The following AGAP2 variants were observed in gnomAD, a reference collection of about 807,000 sequenced individuals.
AGAP2 encodes ArfGAP with GTPase domain, ankyrin repeat and PH domain 2.
A neutral mutation model predicts 110.9 loss-of-function variants in AGAP2; 32 were observed. The observed-to-expected ratio is 0.29, with a 90% CI of 0.22 to 0.39. The LOEUF is 0.39. Ranked by LOEUF, AGAP2 falls within the 10% of genes least tolerant of loss-of-function variation. The probability of loss-of-function intolerance (pLI) is 1.00; values close to 1 mark genes in which losing one functional copy is unlikely to be tolerated. For missense variants in AGAP2, 1,285 were observed against 1,638.5 expected (o/e 0.78, Z 3.72); for synonymous variants, 702 against 713.0 (o/e 0.98, Z 0.25).
chr12:57,738,097 C>A lies in AGAP2; in HGVS notation c.150G>T (p.Gly50=). 3 of 1,524,362 alleles carry A rather than the reference C, an allele frequency of 2.0e-6. No homozygotes were observed. The highest frequency in any genetic ancestry group is 2.6e-6 in the Non-Finnish European group (3 of 1,141,502). The allele number at this position is 1,524,362 out of a possible 1,614,324, so 94.4% of individuals were successfully genotyped here. A position where few individuals can be genotyped will look rare whatever the true frequency, so the allele number is the denominator to read the frequency against. The change falls in exon 1 of 19, where the codon GGG becomes GGT. Residue 50 remains glycine (G), a synonymous_variant. Transcript: ENST00000547588. The surrounding 1 kb of genome is among the most constrained non-coding windows in gnomAD (Gnocchi z 6.7). ...CCGCGCCTCGGGGGCTGCCAGGATC[C>A]CCAGTCTCGGAGCCTCTGGCACCGG... ...GAAGARGSET[G]DPGSPRGAEE...
chr12:57,727,184 C>T lies in AGAP2; in HGVS notation c.3126G>A (p.Leu1042=). ...CCGAGGTGCTCAGCGGCGCCAGGAA[C>T]AGTAGCTGCTCGTACTTGGCGCGAA... is the stretch of plus-strand genomic sequence containing the variant. The part of the protein sequence containing the change: ...SWIRAKYEQL[L]FLAPLSTSEE... Residue 1042 remains leucine (L), a synonymous_variant, in exon 18 of 19, where the codon CTG becomes CTA. Transcript: ENST00000547588. 6.2e-7 allele frequency: 1 copy of T among 1,610,940 alleles called. No individual in the cohort carries two copies. The highest frequency in any genetic ancestry group is 8.5e-7 in the Non-Finnish European group (1 of 1,179,222).
upstream of AGAP2, among the ~76,000 whole-genome samples, chr12:57,739,509 G>A (rs377307359): frequency 2.0e-3 from 305 of 152,264 alleles, 11 homozygotes; most frequent in South Asian, 0.059. Context: ...AGAGATCTGA[G>A]TGCTGGAGGA....
intron 1 of AGAP2, 130 bp downstream of exon 1, chr12:57,736,949 G>C: frequency 3.5e-6 from 5 of 1,429,764 alleles, no homozygotes; most frequent in Non-Finnish European, 9.1e-7. Context: ...CCTTGACAGA[G>C]GGGTGAGCTT....
At position 57,738,101 on chromosome 12, in the gene AGAP2, G is replaced by A; in HGVS notation, c.146C>T (p.Thr49Ile). 6.6e-7 allele frequency: 1 copy of A among 1,523,578 alleles called. No individual in the cohort carries two copies. The highest frequency in any genetic ancestry group is 2.5e-5 in the East Asian group (1 of 39,814). 94.4% of individuals were successfully genotyped at this position (1,523,578 alleles called of 1,614,324 possible). The change falls in exon 1 of 19, where the codon ACT becomes ATT. Residue 49 changes from threonine (T) to isoleucine (I), a missense_variant. Physicochemically the swap from Thr to Ile is moderately conservative, Grantham distance 89 (BLOSUM62 -1). This residue lies in a region of AGAP2 where 844 missense variants were observed against 941.2 expected (regional missense o/e 0.90). Transcript: ENST00000547588. The surrounding 1 kb of genome is among the most constrained non-coding windows in gnomAD (Gnocchi z 6.7). Reference protein sequence around the residue: ...AGAAGARGSETGDPGSPRGAE... With the variant: ...AGAAGARGSEIGDPGSPRGAE... ...GCCTCGGGGGCTGCCAGGATCCCCA[G>A]TCTCGGAGCCTCTGGCACCGGCGGC...
At chr12:57,729,797 A>G in intron 12 of AGAP2, 30 bp from the exon 13 acceptor site, 1 of 1,575,816 alleles carries the variant, frequency 6.3e-7, no homozygotes, top group Non-Finnish European at 8.6e-7. Context: ...CTGCCTCAGT[A>G]GCCCCCTCCA....
chr12:57,733,129 G>C (rs1279052801), intron 5 of AGAP2, 150 bp from the exon 6 acceptor site: 1 of 1,027,068 alleles, frequency 9.7e-7, no homozygotes, highest in Non-Finnish European at 1.4e-6. Flanking sequence ...GGTGGAATGG[G>C]AGTACATAAG....
At chr12:57,733,053 T>TTGCACTGGGCCCTCAGGCTGGG (rs1777101395) in intron 5 of AGAP2, 74 bp from the exon 6 acceptor site, 1 of 1,586,942 alleles carries the variant, frequency 6.3e-7, no homozygotes, top group Admixed American at 1.7e-5. Flanking sequence ...TCCCTTATCC[T>TTGCACTGGGCCCTCAGGCTGGG]TGCACTGGGC....
At chr12:57,728,257 G>A (rs996441202) in intron 14 of AGAP2, 61 bp downstream of exon 14, 19 of 1,584,610 alleles carry the variant, frequency 1.2e-5, no homozygotes, top group Middle Eastern at 1.7e-4. Context: ...AGGGGAAGGC[G>A]GGGGCACCCC....
upstream of AGAP2, among the ~76,000 whole-genome samples, chr12:57,738,935 C>A (rs1031786060): frequency 1.3e-5 from 2 of 151,964 alleles, no homozygotes; most frequent in East Asian, 3.9e-4. The surrounding 1 kb of genome is among the most constrained non-coding windows in gnomAD (Gnocchi z 6.7). Context: ...GGTCCGGATG[C>A]GCGCTGTGTC....
chr12:57,731,682 G>A, intron 8 of AGAP2, 40 bp from the exon 9 acceptor site: 8 of 1,612,536 alleles, frequency 5.0e-6, no homozygotes, highest in Non-Finnish European at 6.8e-6. Context: ...ATGGATAGAG[G>A]GATACACTGA....
At position 57,726,682 on chromosome 12, in the gene AGAP2, C is replaced by T. The variant is rs2140351360; in HGVS notation, c.3449G>A (p.Gly1150Asp). 1 of 1,226,642 alleles carries T rather than the reference C, an allele frequency of 8.2e-7. No individual in the cohort carries two copies. The highest frequency in any genetic ancestry group is 1.0e-6 in the Non-Finnish European group (1 of 983,326). The allele number at this position is 1,226,642 out of a possible 1,614,324, so 76.0% of individuals were successfully genotyped here. A position where few individuals can be genotyped will look rare whatever the true frequency, so the allele number is the denominator to read the frequency against. ...ADILLQHGCP[G>D]EGGSAATTPS... ...CGTGGTGGCCGCGCTGCCGCCCTCA[C>T]CCGGGCAGCCGTGCTGGAGAAGGAT... The change falls in exon 19 of 19, where the codon GGT becomes GAT. Residue 1150 changes from glycine to aspartate, a missense_variant. Physicochemically the swap from Gly to Asp is moderately conservative, Grantham distance 94 (BLOSUM62 -1). This residue lies in a region of AGAP2 where 201 missense variants were observed against 276.1 expected (regional missense o/e 0.73). Transcript: ENST00000547588. This position sits in a 1 kb window ranked among gnomAD's most constrained non-coding sequence, Gnocchi z 5.7.
At chr12:57,727,886 C>T in intron 15 of AGAP2, 51 bp downstream of exon 15, 1 of 1,609,514 alleles carries the variant, frequency 6.2e-7, no homozygotes, top group Non-Finnish European at 8.5e-7. Flanking sequence ...TGGCCGTCAG[C>T]ACCAGGGTCA....
rs747445586 is a variant in AGAP2, at chr12:57,731,799, T to C, written c.1953+10A>G. On this transcript the variant is annotated intron_variant, in intron 8 of 18. Transcript: ENST00000547588. ...AGGAGGATGGGGGTCAGCATGTCCA[T>C]GTCCAATACCGCAAAAAGGCTGGTC... The C allele has an allele frequency of 1.9e-6, 3 of 1,561,194 alleles. No homozygotes were observed. Among genetic ancestry groups the C allele is most frequent in the East Asian group, 2.3e-5 (1 of 43,658 alleles).
At chr12:57,729,175 CAA>C (rs766183934) in intron 13 of AGAP2, among the ~76,000 whole-genome samples, 1 of 36,364 alleles carries the variant, frequency 2.7e-5, no homozygotes, top group Non-Finnish European at 5.9e-5. Context: ...GACTCCATCT[CAA>C]AAAAAAAAAA....
intron 1 of AGAP2, among the ~76,000 whole-genome samples, chr12:57,736,081 G>C (rs1025397375): frequency 6.6e-6 from 1 of 152,186 alleles, no homozygotes; most frequent in Admixed American, 6.5e-5. Flanking sequence ...CCGGGGGAAA[G>C]GATGCTCCTT....
chr12:57,727,061 G>A lies in AGAP2; in HGVS notation c.3249C>T (p.Asp1083=), dbSNP rs753007014. Residue 1083 remains aspartate (D), a synonymous_variant, in exon 18 of 19, where the codon GAC becomes GAT. Coordinates refer to ENST00000547588, the MANE Select transcript of AGAP2 (RefSeq NM_001122772.3). The stretch of plus-strand genomic sequence containing the variant: ...GCAGCTGTGGGTCCTCTACGCTGGT[G>A]TCGAGCGGCCCGTGTCGCGCATGGG... The part of the protein sequence containing the change: ...LLAHARHGPL[D]TSVEDPQLRS... The A allele has an allele frequency of 3.1e-6, 5 of 1,601,912 alleles. No homozygotes were observed. The African/African-American group carries it at 6.7e-5, about 21-fold the overall frequency.
Position 57,731,373 on chromosome 12 carries a change from C to G in AGAP2, c.2138G>C (p.Ser713Thr), listed in dbSNP as rs746915254. 2 of 1,613,438 alleles carry G rather than the reference C, an allele frequency of 1.2e-6. No homozygotes were observed. Among genetic ancestry groups the G allele is most frequent in the Non-Finnish European group, 1.7e-6 (2 of 1,179,468 alleles). Reference sequence around the variant, plus strand: ...CCAGTCTCTGCCACTCACGTTAATACTGGGGTGGTAGAGTAGAAAGCCATT... The same window carrying G: ...CCAGTCTCTGCCACTCACGTTAATAGTGGGGTGGTAGAGTAGAAAGCCATT... The part of the protein sequence containing the change: ...SSNGFLLYHP[S>T]INDYIHSTHG... The change falls in exon 10 of 19, where the codon AGT (serine) becomes ACT (threonine). Residue 713 changes from serine to threonine, a missense_variant. Physicochemically the swap from Ser to Thr is moderately conservative, Grantham distance 58. Around this residue, in one of 7 missense-constraint regions of AGAP2, gnomAD observed 24 missense variants for 69.5 expected, o/e 0.35. Transcript: ENST00000547588.
intron 5 of AGAP2, among the ~76,000 whole-genome samples, chr12:57,733,431 T>C (rs1307090968): frequency 1.3e-5 from 2 of 151,780 alleles, no homozygotes; most frequent in African/African-American, 2.4e-5. Context: ...AAGCAACAGG[T>C]GGAGATAGGC....
intron 6 of AGAP2, 113 bp from the exon 7 acceptor site, chr12:57,732,625 A>G (rs1311956633): frequency 2.3e-6 from 3 of 1,293,078 alleles, no homozygotes; most frequent in Non-Finnish European, 3.2e-6. Context: ...CTTCCTTGTC[A>G]CTGTGGCCTC....
Sources: gnomAD v4.1 joint callset for allele counts (sites outside exome capture counted in the v4.1 genomes callset) on GRCh38, gnomAD v4.1.1 for gene constraint, gnomAD v4.1.1 regional missense constraint, Gnocchi (gnomAD v3.1) non-coding constraint, MANE v1.5 for transcripts, NCBI Gene and HGNC (gene_info 2026-07-23, HGNC 2026-07-21) for gene names.